KIF26B: variants seen among roughly 807,000 people sequenced by gnomAD.
KIF26B encodes the protein kinesin-like protein KIF26B.
Under a neutral mutation model 151.2 loss-of-function variants are expected in KIF26B, and 63 were observed. The observed-to-expected ratio is 0.42, with a 90% CI of 0.34 to 0.51. KIF26B has a LOEUF of 0.51. Among genes scored for constraint, KIF26B ranks in the 20% least tolerant of loss-of-function variants. KIF26B has a pLI of 0.07. For synonymous variants in KIF26B, 1,357 were observed against 1,262.1 expected, an observed-to-expected ratio of 1.08 and a Z score of -1.59; for missense variants, 2,813 against 2,913.6, an observed-to-expected ratio of 0.97 and a Z score of 0.79.
At chr1:245,631,347 T>A (rs2043779172) in intron 9 of KIF26B, among the ~76,000 whole-genome samples, 1 of 152,214 alleles carries the variant, frequency 6.6e-6, no homozygotes, top group South Asian at 2.1e-4. Context: ...GGATGTTAGA[T>A]TTTATCAAAT....
chr1:245,261,859 A>G lies in KIF26B; in HGVS notation c.466-104975A>G, dbSNP rs1670651648. ...TGGCCTCTCAAAGTACTGGGGTTAT[A>G]GACGTGCGCCACCATGCCCGGCTCA... On this transcript the variant is annotated intron_variant, in intron 2 of 14. Coordinates refer to ENST00000407071, the MANE Select transcript of KIF26B (RefSeq NM_018012.4). Among the ~76,000 whole-genome samples, 4 of 152,140 alleles carry G rather than the reference A, an allele frequency of 2.6e-5. No homozygotes were observed. In the South Asian group the frequency reaches 8.3e-4, roughly 31 times the overall value.
At chr1:245,693,129 AT>A (rs2044648630) in intron 12 of KIF26B, among the ~76,000 whole-genome samples, 1 of 152,192 alleles carries the variant, frequency 6.6e-6, no homozygotes, top group African/African-American at 2.4e-5. Flanking sequence ...ACTTCCTTGG[AT>A]TCTTTCCCTT....
intron 2 of KIF26B, among the ~76,000 whole-genome samples, chr1:245,351,954 T>C (rs1437111212): frequency 6.6e-6 from 1 of 152,216 alleles, no homozygotes; most frequent in East Asian, 1.9e-4. Flanking sequence ...AATGAATGGA[T>C]ATATTGAATG....
chr1:245,478,703 C>A (rs533155263), intron 4 of KIF26B, among the ~76,000 whole-genome samples: 1 of 151,792 alleles, frequency 6.6e-6, no homozygotes, highest in East Asian at 1.9e-4. Context: ...GCGTGAGCCA[C>A]CGCGCCCGGC....
intron 2 of KIF26B, among the ~76,000 whole-genome samples, chr1:245,360,090 C>T (rs573258566): frequency 8.6e-5 from 13 of 151,946 alleles, no homozygotes; most frequent in South Asian, 2.1e-4. Flanking sequence ...CCAGGATGGT[C>T]TCAAACTCTT....
chr1:245,552,232 C>A (rs376579389), intron 5 of KIF26B, among the ~76,000 whole-genome samples: 1 of 149,896 alleles, frequency 6.7e-6, no homozygotes, highest in Non-Finnish European at 1.5e-5. Flanking sequence ...TGGAGGTTGG[C>A]GGGCAGGCTG....
At chr1:245,565,044 T>C (rs1326087698) in intron 5 of KIF26B, among the ~76,000 whole-genome samples, 1 of 152,270 alleles carries the variant, frequency 6.6e-6, no homozygotes, top group East Asian at 1.9e-4. Flanking sequence ...ATTTGTTACG[T>C]AGGGATCACT....
At chr1:245,420,518 T>C (rs1301594343) in intron 4 of KIF26B, among the ~76,000 whole-genome samples, 1 of 152,222 alleles carries the variant, frequency 6.6e-6, no homozygotes, top group African/African-American at 2.4e-5. Context: ...GTATAACTCA[T>C]GTTTTAATTT....
At chr1:245,454,466 A>C (rs1659468282) in intron 4 of KIF26B, among the ~76,000 whole-genome samples, 1 of 152,180 alleles carries the variant, frequency 6.6e-6, no homozygotes, top group Admixed American at 6.5e-5. Flanking sequence ...GGAAAGAAAA[A>C]AAAGCACATT....
chr1:245,382,553 G>T (rs1014833271), intron 3 of KIF26B, among the ~76,000 whole-genome samples: 2 of 148,008 alleles, frequency 1.4e-5, no homozygotes, highest in Admixed American at 1.3e-4. Flanking sequence ...GTGTGTGTGT[G>T]TTTTGTTTCT....
chr1:245,608,342 T>C (rs1466003879), intron 7 of KIF26B, among the ~76,000 whole-genome samples: 1 of 152,162 alleles, frequency 6.6e-6, no homozygotes, highest in Non-Finnish European at 1.5e-5. Context: ...ACGCTTGATA[T>C]GTTTAGTGAA....
intron 2 of KIF26B, among the ~76,000 whole-genome samples, chr1:245,174,837 G>A (rs927737867): frequency 6.6e-6 from 1 of 152,200 alleles, no homozygotes; most frequent in South Asian, 2.1e-4. Context: ...TTTGGAGCTT[G>A]TGGGATTTCA....
At chr1:245,600,908 A>G (rs2043389213) in intron 5 of KIF26B, among the ~76,000 whole-genome samples, 1 of 152,156 alleles carries the variant, frequency 6.6e-6, no homozygotes, top group East Asian at 1.9e-4. Flanking sequence ...GGCATGATGG[A>G]AAAAGTGTAG....
At chr1:245,283,322 A>G (rs1256748986) in intron 2 of KIF26B, among the ~76,000 whole-genome samples, 1 of 151,836 alleles carries the variant, frequency 6.6e-6, no homozygotes, top group African/African-American at 2.4e-5. Flanking sequence ...AACCACCTCA[A>G]GCCCAATCCG....
chr1:245,635,830 T>C (rs1328743910), intron 9 of KIF26B, among the ~76,000 whole-genome samples: 5 of 152,028 alleles, frequency 3.3e-5, no homozygotes, highest in African/African-American at 9.6e-5. Flanking sequence ...TGCATTTTCA[T>C]TTCTATTCAC....
At chr1:245,165,350 C>T (rs946655812) in intron 2 of KIF26B, among the ~76,000 whole-genome samples, 1 of 152,102 alleles carries the variant, frequency 6.6e-6, no homozygotes, top group East Asian at 1.9e-4. Flanking sequence ...GTGGTGCTGC[C>T]AGTTATGGAG....
intron 3 of KIF26B, among the ~76,000 whole-genome samples, chr1:245,403,249 A>G (rs1674049784): frequency 1.3e-5 from 2 of 152,332 alleles, no homozygotes; most frequent in Admixed American, 1.3e-4. Flanking sequence ...TTGGGACTAC[A>G]GGGACACACC....
intron 2 of KIF26B, among the ~76,000 whole-genome samples, chr1:245,298,555 C>T (rs954853954): frequency 6.6e-6 from 1 of 152,078 alleles, no homozygotes; most frequent in Non-Finnish European, 1.5e-5. Context: ...CTGGGCATGG[C>T]GATTGGTGAT....
In KIF26B at chr1:245,419,863, C is replaced by G; in HGVS notation, c.1166+118C>G. 4.2e-6 allele frequency: 4 copies of G among 956,850 alleles called. No individual in the cohort carries two copies. In the South Asian group the frequency reaches 4.9e-5, roughly 12 times the overall value. The allele number at this position is 956,850 out of a possible 1,614,324, so 59.3% of individuals were successfully genotyped here. A position where few individuals can be genotyped will look rare whatever the true frequency, so the allele number is the denominator to read the frequency against. On this transcript the variant is annotated intron_variant, in intron 4 of 14. Transcript: ENST00000407071. ...TTTGGGGCCGTTCTGTGATGTCATT[C>G]ATTAAGACAGAGTTTCTCAGCCATG...
Sources: allele counts gnomAD v4.1 joint callset (sites outside exome capture counted in the v4.1 genomes callset), GRCh38; gene constraint gnomAD v4.1.1; transcripts MANE v1.5; gene names NCBI Gene and HGNC (gene_info 2026-07-23, HGNC 2026-07-21).